The following NUP93 variants were observed in gnomAD, a reference collection of about 807,000 sequenced individuals.
NUP93 encodes nucleoporin 93.
A neutral mutation model predicts 107.8 loss-of-function variants in NUP93; 55 were observed. That is an observed-to-expected ratio of 0.51 (90% CI 0.41 to 0.64). The LOEUF (loss-of-function observed/expected upper bound fraction) is 0.64. NUP93 is among the 30% of genes least tolerant of loss of function. The pLI is 0.00. For missense variants in NUP93, 937 were observed against 1,044.7 expected (o/e 0.90, Z 1.42); for synonymous variants, 390 against 397.5 (o/e 0.98, Z 0.22).
intron 1 of NUP93, among the ~76,000 whole-genome samples, chr16:56,737,288 G>A (rs1205924075): frequency 6.6e-6 from 1 of 152,188 alleles, no homozygotes; most frequent in Non-Finnish European, 1.5e-5. Flanking sequence ...TCTTTGATGT[G>A]TATGTGTGGG....
intron 2 of NUP93, among the ~76,000 whole-genome samples, chr16:56,749,960 A>G (rs562805438): frequency 1.3e-5 from 2 of 151,840 alleles, no homozygotes; most frequent in Non-Finnish European, 2.9e-5. Flanking sequence ...CTTACCTGCT[A>G]CTCCTGGCTG....
At chr16:56,782,032 TTC>T in intron 3 of NUP93, 1 of 985,004 alleles carries the variant, frequency 1.0e-6, no homozygotes, top group Non-Finnish European at 1.2e-6. Flanking sequence ...TTTTTCTTCT[TTC>T]TCTCTTTTTC....
intron 3 of NUP93, among the ~76,000 whole-genome samples, chr16:56,782,957 C>T (rs1303192837): frequency 2.6e-5 from 4 of 152,150 alleles, no homozygotes; most frequent in Middle Eastern, 3.4e-3. Flanking sequence ...AAATTTTTGG[C>T]TAGAGAATAT....
chr16:56,783,162 T>C (rs1278005008), intron 3 of NUP93, among the ~76,000 whole-genome samples: 5 of 152,234 alleles, frequency 3.3e-5, no homozygotes, highest in African/African-American at 4.8e-5. Flanking sequence ...ATGATGCATA[T>C]GGCTTTTTAT....
chr16:56,802,480 A>G (rs1317847076), intron 4 of NUP93, among the ~76,000 whole-genome samples: 1 of 152,222 alleles, frequency 6.6e-6, no homozygotes, highest in Non-Finnish European at 1.5e-5. Context: ...GAAAAAAAAC[A>G]GTTGGAAGAC....
intron 1 of NUP93, among the ~76,000 whole-genome samples, chr16:56,737,722 G>A (rs536947032): frequency 2.2e-5 from 3 of 139,304 alleles, no homozygotes; most frequent in African/African-American, 5.7e-5. Flanking sequence ...TTCCATTGCT[G>A]TGTGTGGTAT....
chr16:56,839,462 A>G (rs1481670596), intron 19 of NUP93, 59 bp from the exon 20 acceptor site: 2 of 1,381,204 alleles, frequency 1.4e-6, no homozygotes, highest in African/African-American at 1.4e-5. Flanking sequence ...CTTTACATGT[A>G]GAGAGATGAA....
intron 3 of NUP93, among the ~76,000 whole-genome samples, chr16:56,770,907 TAAAAA>T (rs144413539): frequency 1.4e-5 from 2 of 145,260 alleles, no homozygotes; most frequent in Admixed American, 6.9e-5. Flanking sequence ...ACTGAAAAAT[TAAAAA>T]AAAAAAGAAA....
intron 15 of NUP93, 47 bp downstream of exon 15, chr16:56,834,489 T>C: frequency 6.3e-7 from 1 of 1,580,470 alleles, no homozygotes; most frequent in Non-Finnish European, 8.7e-7. Flanking sequence ...TCAGTGTGCA[T>C]GTCCCATGCT....
rs1381110558 is a variant in NUP93 at position 56,840,370 on chromosome 16, AC to A, written c.2220+770del. On this transcript the variant is annotated intron_variant, in intron 20 of 21. Transcript: ENST00000308159. ...TGCAGTGACCGCGGAGTAAGCTATCACCCCATAAGCCCCAGAGCCACTGTCT... is the reference window on the plus strand; with the variant it reads ...TGCAGTGACCGCGGAGTAAGCTATCACCCATAAGCCCCAGAGCCACTGTCT... Among the ~76,000 whole-genome samples, 17 of 152,232 alleles carry A rather than the reference AC, an allele frequency of 1.1e-4. 1 individual carries two copies. In the East Asian group the frequency reaches 1.5e-3, roughly 14 times the overall value.
chr16:56,818,512 A>G lies in NUP93; in HGVS notation c.490-152A>G, dbSNP rs78535673. The G allele has an allele frequency of 2.5e-4, 153 of 613,306 alleles. No homozygotes were observed. In the African/African-American group the frequency reaches 2.7e-3, roughly 11 times the overall value. 38.0% of individuals were successfully genotyped at this position (613,306 alleles called of 1,614,324 possible). ...ATAGTAAAAGTTGCATGTTATTGAA[A>G]TCCCTAAAATCATCACTTTGAGGAA... is the stretch of plus-strand genomic sequence containing the variant. On this transcript the variant is annotated intron_variant, in intron 5 of 21. Coordinates refer to ENST00000308159, the MANE Select transcript of NUP93 (RefSeq NM_014669.5).
chr16:56,777,023 T>TGTGTGTGTGTGCACGCAC (rs1222973144), intron 3 of NUP93, among the ~76,000 whole-genome samples: 4 of 151,972 alleles, frequency 2.6e-5, no homozygotes, highest in African/African-American at 9.7e-5. Flanking sequence ...AGAGTGAGCG[T>TGTGTGTGTGTGCACGCAC]GTGTGTGTGT....
chr16:56,812,576 C>T (rs1963339664), intron 5 of NUP93, among the ~76,000 whole-genome samples: 1 of 152,110 alleles, frequency 6.6e-6, no homozygotes, highest in Non-Finnish European at 1.5e-5. Context: ...ATCTCCTGAC[C>T]TTGTGATCTG....
At chr16:56,793,537 C>T (rs1453438022) in intron 3 of NUP93, among the ~76,000 whole-genome samples, 1 of 152,040 alleles carries the variant, frequency 6.6e-6, no homozygotes, top group African/African-American at 2.4e-5. Flanking sequence ...TTCTCATAAG[C>T]TATATGAGTA....
chr16:56,835,431 A>G (rs191478033), intron 16 of NUP93, among the ~76,000 whole-genome samples: 2 of 152,352 alleles, frequency 1.3e-5, no homozygotes, highest in Admixed American at 6.5e-5. Context: ...TGCTCACACC[A>G]TCTACCTCAG....
intron 13 of NUP93, 106 bp from the exon 14 acceptor site, chr16:56,834,022 C>T: frequency 6.7e-7 from 1 of 1,496,664 alleles, no homozygotes; most frequent in Non-Finnish European, 9.2e-7. Flanking sequence ...GACTGGGCTG[C>T]AGGAGTAGAT....
At chr16:56,794,306 A>T (rs1962839816) in intron 3 of NUP93, among the ~76,000 whole-genome samples, 2 of 152,168 alleles carry the variant, frequency 1.3e-5, no homozygotes, top group Non-Finnish European at 2.9e-5. Flanking sequence ...TTTTTTAAGT[A>T]TGTAATGGTT....
intron 1 of NUP93, among the ~76,000 whole-genome samples, chr16:56,733,394 A>G (rs527924232): frequency 2.8e-4 from 42 of 152,126 alleles, no homozygotes; most frequent in African/African-American, 1.0e-3. Flanking sequence ...GGGGCGAGAG[A>G]TGAGGGTATG....
chr16:56,796,627 T>C (rs1457846214), intron 3 of NUP93, among the ~76,000 whole-genome samples: 1 of 152,264 alleles, frequency 6.6e-6, no homozygotes, highest in East Asian at 1.9e-4. Context: ...TAGCTTGTCA[T>C]TTGAAAAGCT....
Sources: allele counts gnomAD v4.1 joint callset (sites outside exome capture counted in the v4.1 genomes callset), GRCh38; gene constraint gnomAD v4.1.1; transcripts MANE v1.5; gene names NCBI Gene and HGNC (gene_info 2026-07-23, HGNC 2026-07-21).